ESPL1: variants seen among roughly 807,000 people sequenced by gnomAD.
The protein encoded by ESPL1 is separin.
ESPL1 carries 50 observed loss-of-function variants against 217.2 expected under a neutral mutation model. The observed-to-expected ratio is 0.23, with a 90% CI of 0.18 to 0.29. The LOEUF (loss-of-function observed/expected upper bound fraction) is 0.29, where lower values mean the gene tolerates loss of function less well. ESPL1 is among the 10% of genes least tolerant of loss of function. ESPL1 has a pLI of 1.00. For synonymous variants in ESPL1, 994 were observed against 1,081.3 expected, an observed-to-expected ratio of 0.92 and a Z score of 1.58; for missense variants, 1,834 against 2,603.0, an observed-to-expected ratio of 0.70 and a Z score of 6.43.
chr12:53,274,980 C>T lies in ESPL1; in HGVS notation c.1670C>T (p.Ala557Val). 2 of 1,563,842 alleles carry T rather than the reference C, an allele frequency of 1.3e-6. No homozygotes were observed. Among genetic ancestry groups the T allele is most frequent in the Non-Finnish European group, 1.7e-6 (2 of 1,156,230 alleles). The change falls in exon 7 of 31, where the codon GCC becomes GTC. Residue 557 changes from alanine to valine, a missense_variant. By Grantham distance (64) the Ala-to-Val change is moderately conservative (BLOSUM62 0). Coordinates refer to ENST00000257934, the MANE Select transcript of ESPL1 (RefSeq NM_012291.5). The stretch of plus-strand genomic sequence containing the variant: ...TGGGTTCGGGTCAAGATGGATGCGG[C>T]CAGGGCTGGAGACAAGGAGCTACAG... ...TFWVRVKMDA[A>V]RAGDKELQLK...
In ESPL1 at chr12:53,293,152, G is replaced by A. The variant is rs1057274011; in HGVS notation, c.6162-121G>A. The stretch of plus-strand genomic sequence containing the variant: ...TTCTGTTCTTCTCTTGTAACCAAGG[G>A]CCAAAGGAGTTTCTCATTGGTTCAA... On this transcript the variant is annotated intron_variant, in intron 30 of 30. Transcript: ENST00000257934. The surrounding 1 kb of genome is among the most constrained non-coding windows in gnomAD (Gnocchi z 4.2). 3.9e-6 allele frequency: 4 copies of A among 1,016,550 alleles called. No individual in the cohort carries two copies. Among genetic ancestry groups the A allele is most frequent in the African/African-American group, 1.6e-5 (1 of 62,822 alleles). The allele number at this position is 1,016,550 out of a possible 1,614,324, so 63.0% of individuals were successfully genotyped here.
At chr12:53,276,567 G>C in intron 7 of ESPL1, 53 bp from the exon 8 acceptor site, 1 of 1,517,162 alleles carries the variant, frequency 6.6e-7, no homozygotes, top group Non-Finnish European at 8.8e-7. Flanking sequence ...GCAGGTAGCA[G>C]AGGCTTTATG....
At position 53,288,527 on chromosome 12, in the gene ESPL1, T is replaced by C. The variant is rs1285980145; in HGVS notation, c.4547-11T>C. ...AGGGAGCACTGTGAAAAAGGCCTGC[T>C]CTCTCCCCAGGTGGGAAGACTCCAG... is the stretch of plus-strand genomic sequence containing the variant. On this transcript the variant is annotated splice_polypyrimidine_tract_variant and intron_variant, in intron 19 of 30. Transcript: ENST00000257934. The C allele has an allele frequency of 3.1e-6, 5 of 1,604,286 alleles. No homozygotes were observed. Among genetic ancestry groups the C allele is most frequent in the Non-Finnish European group, 4.3e-6 (5 of 1,176,276 alleles).
At chr12:53,288,383 G>T in intron 19 of ESPL1, 42 bp downstream of exon 19, 1 of 1,551,382 alleles carries the variant, frequency 6.4e-7, no homozygotes, top group African/African-American at 1.4e-5. Flanking sequence ...TGTTTTGGGG[G>T]TTTGTTCTGG....
At position 53,276,874 on chromosome 12, in the gene ESPL1, C is replaced by T; in HGVS notation, c.1940+15C>T. On this transcript the variant is annotated intron_variant, in intron 8 of 30. Coordinates refer to ENST00000257934, the MANE Select transcript of ESPL1 (RefSeq NM_012291.5). ...CAGACCAACTGGTAAGGAGTAGTAGCTGCAGAGGCCACTCTTGCTCCTTGC... is the reference window on the plus strand; with the variant it reads ...CAGACCAACTGGTAAGGAGTAGTAGTTGCAGAGGCCACTCTTGCTCCTTGC... 1.9e-6 allele frequency: 3 copies of T among 1,611,860 alleles called. No homozygotes were observed. Among genetic ancestry groups the T allele is most frequent in the African/African-American group, 1.3e-5 (1 of 75,042 alleles).
intron 21 of ESPL1, 48 bp downstream of exon 21, chr12:53,289,351 A>G: frequency 6.2e-7 from 1 of 1,610,898 alleles, no homozygotes; most frequent in Non-Finnish European, 8.5e-7. Context: ...GACTAGAGAG[A>G]AGGTCCAGAC....
At chr12:53,272,997 C>A in intron 6 of ESPL1, 140 bp downstream of exon 6, 1 of 783,246 alleles carries the variant, frequency 1.3e-6, no homozygotes, top group African/African-American at 1.8e-5. Context: ...AGCAGTGTTT[C>A]CCAAACCTCA....
chr12:53,293,480 T>A lies in ESPL1; in HGVS notation c.*6T>A, dbSNP rs1944098883. The A allele has an allele frequency of 2.5e-6, 4 of 1,608,246 alleles. No individual in the cohort carries two copies. Among genetic ancestry groups the A allele is most frequent in the Non-Finnish European group, 3.4e-6 (4 of 1,174,878 alleles). ...TGCCTGTCTCTCTGCGGTAACCCCATGGAGCTGTCTTATTGATGCTAGAAG... is the reference window on the plus strand; with the variant it reads ...TGCCTGTCTCTCTGCGGTAACCCCAAGGAGCTGTCTTATTGATGCTAGAAG... On this transcript the variant is annotated 3_prime_UTR_variant, in exon 31 of 31. Transcript: ENST00000257934. This position sits in a 1 kb window ranked among gnomAD's most constrained non-coding sequence, Gnocchi z 4.2.
At chr12:53,270,915 G>A in intron 5 of ESPL1, 117 bp downstream of exon 5, 1 of 1,102,588 alleles carries the variant, frequency 9.1e-7, no homozygotes, top group Middle Eastern at 2.9e-4. Flanking sequence ...GGTTCAAGGA[G>A]GCAGTGAGAG....
rs962554886 is a variant in ESPL1, at chr12:53,269,933, C to T, written c.991C>T (p.Pro331Ser). ...GAGCAAGAGTATGGAGGCACCATCA[C>T]CCCCACTTCGGGCATTGTATGAGAG... ...VLSKSMEAPS[P>S]PLRALYESCQ... Residue 331 changes from proline to serine, a missense_variant, in exon 3 of 31, where the codon CCC (proline) becomes TCC (serine). Physicochemically the swap from Pro to Ser is moderately conservative, Grantham distance 74. Transcript: ENST00000257934. The surrounding 1 kb of genome is among the most constrained non-coding windows in gnomAD (Gnocchi z 6.7). 8.1e-6 allele frequency: 13 copies of T among 1,614,060 alleles called. No homozygotes were observed. Among genetic ancestry groups the T allele is most frequent in the Non-Finnish European group, 1.0e-5 (12 of 1,180,028 alleles).
Position 53,290,875 on chromosome 12 carries a change from G to A in ESPL1, c.5399G>A (p.Gly1800Asp). 1 of 1,609,644 alleles carries A rather than the reference G, an allele frequency of 6.2e-7. No individual in the cohort carries two copies. Among genetic ancestry groups the A allele is most frequent in the Non-Finnish European group, 8.5e-7 (1 of 1,178,292 alleles). The change falls in exon 25 of 31, where the codon GGC (glycine) becomes GAC (aspartate). Residue 1800 changes from glycine to aspartate, a missense_variant. By Grantham distance (94) the Gly-to-Asp change is moderately conservative (BLOSUM62 -1). Coordinates refer to ENST00000257934, the MANE Select transcript of ESPL1 (RefSeq NM_012291.5). ...LIASLEKSVL[G>D]CWKGLLLPSS... Reference sequence around the variant, plus strand: ...GCTTCCCTAGAGAAGTCTGTGCTGGGCTGCTGGAAGGGGCTGCTGCTGCCG... The same window carrying A: ...GCTTCCCTAGAGAAGTCTGTGCTGGACTGCTGGAAGGGGCTGCTGCTGCCG...
intron 1 of ESPL1, 57 bp from the exon 2 acceptor site, chr12:53,268,698 C>A: frequency 9.3e-7 from 1 of 1,079,744 alleles, no homozygotes; most frequent in Non-Finnish European, 1.4e-6. Flanking sequence ...CAGCCCTCTT[C>A]CCTTCCTCCA....
intron 16 of ESPL1, 152 bp from the exon 17 acceptor site, chr12:53,283,906 C>G (rs1407163559): frequency 8.9e-6 from 6 of 670,838 alleles, no homozygotes; most frequent in East Asian, 5.1e-5. Flanking sequence ...AGGGTTTTCC[C>G]CAGGGAGCCT....
chr12:53,287,687 A>G, intron 18 of ESPL1: 2 of 287,700 alleles, frequency 7.0e-6, no homozygotes, highest in Non-Finnish European at 1.3e-5. Context: ...AGCAAGACCT[A>G]TTTCCAAGTC....
chr12:53,282,350 C>T lies in ESPL1; in HGVS notation c.2706C>T (p.Val902=). 1.9e-6 allele frequency: 3 copies of T among 1,614,116 alleles called. No individual in the cohort carries two copies. The highest frequency in any genetic ancestry group is 2.5e-6 in the Non-Finnish European group (3 of 1,179,988). ...CCAAGGCTTGGTACTTGCTGCGTGT[C>T]CAGGTCCTGCAGCTGGTGGCAGCTT... The part of the protein sequence containing the change: ...KSSKAWYLLR[V]QVLQLVAAYL... The change falls in exon 14 of 31, where the codon GTC becomes GTT. Residue 902 remains valine (V), a synonymous_variant. Transcript: ENST00000257934. The surrounding 1 kb of genome is among the most constrained non-coding windows in gnomAD (Gnocchi z 4.0).
rs767422248 is a variant in ESPL1, at chr12:53,277,631, C to T, written c.2224+23C>T. The T allele has an allele frequency of 3.5e-5, 56 of 1,612,106 alleles. No homozygotes were observed. In the Admixed American group the frequency reaches 8.8e-4, roughly 25 times the overall value. ...CTGGTGAGGGGTAAATGGAGTGTGG[C>T]ATGGGCATCTCCATGGCTTCCTAAG... On this transcript the variant is annotated intron_variant, in intron 10 of 30. Coordinates refer to ENST00000257934, the MANE Select transcript of ESPL1 (RefSeq NM_012291.5).
intron 11 of ESPL1, 122 bp downstream of exon 11, chr12:53,278,082 G>T: frequency 2.0e-6 from 2 of 984,890 alleles, no homozygotes; most frequent in East Asian, 4.8e-5. Flanking sequence ...TGGAAGCGCA[G>T]GGCTGTATCA....
rs781481685 is a variant in ESPL1 at position 53,292,025 on chromosome 12, A to G, written c.5733A>G (p.Gln1911=). Residue 1911 remains glutamine (Q), a synonymous_variant, in exon 27 of 31, where the codon CAA becomes CAG. Coordinates refer to ENST00000257934, the MANE Select transcript of ESPL1 (RefSeq NM_012291.5). The surrounding 1 kb of genome is among the most constrained non-coding windows in gnomAD (Gnocchi z 4.5). Reference sequence around the variant, plus strand: ...CGTGGGAAAGCATGCCCAGCCTCCAAGCACTGCCTGTCACCCGGCTGCCCT... The same window carrying G: ...CGTGGGAAAGCATGCCCAGCCTCCAGGCACTGCCTGTCACCCGGCTGCCCT... ...KLPWESMPSL[Q]ALPVTRLPSF... 6.2e-7 allele frequency: 1 copy of G among 1,614,140 alleles called. No homozygotes were observed. The highest frequency in any genetic ancestry group is 2.2e-5 in the East Asian group (1 of 44,884).
rs763507074 is a variant in ESPL1 at position 53,292,556 on chromosome 12, C to G, written c.5913-18C>G. The G allele has an allele frequency of 1.2e-6, 2 of 1,606,914 alleles. No homozygotes were observed. Among genetic ancestry groups the G allele is most frequent in the South Asian group, 2.2e-5 (2 of 90,970 alleles). On this transcript the variant is annotated intron_variant, in intron 28 of 30. Transcript: ENST00000257934. The surrounding 1 kb of genome is among the most constrained non-coding windows in gnomAD (Gnocchi z 4.5). Reference sequence around the variant, plus strand: ...TGCCATGCATTTCCCTATTCTCACACCTGCCTTTTCCCTGCAGTGAAGCTG... The same window carrying G: ...TGCCATGCATTTCCCTATTCTCACAGCTGCCTTTTCCCTGCAGTGAAGCTG...
Sources: allele counts gnomAD v4.1 joint callset, GRCh38; gene constraint gnomAD v4.1.1; non-coding constraint Gnocchi (gnomAD v3.1); transcripts MANE v1.5; gene names NCBI Gene and HGNC (gene_info 2026-07-23, HGNC 2026-07-21).